Variants in TGFBR3 observed in about 807,000 individuals in gnomAD.
TGFBR3 encodes transforming growth factor beta receptor type 3.
In TGFBR3, 46 loss-of-function variants were observed where a neutral mutation model predicts 87.9. The ratio of observed to expected loss-of-function variants is 0.52; its 90% CI spans 0.41 to 0.67. TGFBR3 has a LOEUF of 0.67. Ranked by LOEUF, TGFBR3 falls within the 30% of genes least tolerant of loss-of-function variation. The probability of loss-of-function intolerance (pLI) is 0.00; values close to 1 mark genes in which losing one functional copy is unlikely to be tolerated. For missense variants in TGFBR3, 866 were observed against 1,041.9 expected (o/e 0.83, Z 2.32); for synonymous variants, 381 against 391.6 (o/e 0.97, Z 0.32).
chr1:91,788,977 T>C (rs1675078627), intron 3 of TGFBR3, among the ~76,000 whole-genome samples: 1 of 152,100 alleles, frequency 6.6e-6, no homozygotes, highest in Non-Finnish European at 1.5e-5. Context: ...ACCATACTGG[T>C]TGGAAAATGC....
chr1:91,766,198 CTTTTTTTTT>C (rs749978314), intron 3 of TGFBR3, among the ~76,000 whole-genome samples: 7 of 114,458 alleles, frequency 6.1e-5, no homozygotes, highest in African/African-American at 6.9e-5. Flanking sequence ...AGTTTGTTTT[CTTTTTTTTT>C]TTTTTTTTTT....
At chr1:91,771,483 T>TC (rs1259091543) in intron 3 of TGFBR3, among the ~76,000 whole-genome samples, 1 of 151,980 alleles carries the variant, frequency 6.6e-6, no homozygotes, top group African/African-American at 2.4e-5. Flanking sequence ...GGTGGATGGA[T>TC]CCTGAGGTCA....
At chr1:91,875,517 A>G (rs1416957567) in intron 1 of TGFBR3, among the ~76,000 whole-genome samples, 1 of 152,124 alleles carries the variant, frequency 6.6e-6, no homozygotes, top group Non-Finnish European at 1.5e-5. Context: ...CAAGAAAAAG[A>G]AAAGAAGAGG....
At chr1:91,720,976 G>A (rs1311119912) in intron 8 of TGFBR3, among the ~76,000 whole-genome samples, 3 of 152,078 alleles carry the variant, frequency 2.0e-5, no homozygotes, top group African/African-American at 4.8e-5. Flanking sequence ...AGGGAGAGAC[G>A]TATTTCCATA....
At chr1:91,769,281 G>A (rs1048276805) in intron 3 of TGFBR3, among the ~76,000 whole-genome samples, 6 of 152,090 alleles carry the variant, frequency 3.9e-5, no homozygotes, top group African/African-American at 1.2e-4. Flanking sequence ...CATTCCCTTG[G>A]TTCCTATGGA....
At chr1:91,745,740 T>C (rs577204411) in intron 4 of TGFBR3, among the ~76,000 whole-genome samples, 2 of 152,344 alleles carry the variant, frequency 1.3e-5, no homozygotes, top group East Asian at 3.9e-4. Context: ...CCGAAACATG[T>C]TTTCTATTAA....
In TGFBR3 at chr1:91,737,139, C is replaced by T. The variant is rs912172689; in HGVS notation, c.385-2180G>A. ...CGGGCCAGCAGCAATAAGCTTCATACACTCAGGGCTGAGGAATTTGGAACT... is the reference window on the plus strand; with the variant it reads ...CGGGCCAGCAGCAATAAGCTTCATATACTCAGGGCTGAGGAATTTGGAACT... On this transcript the variant is annotated intron_variant, in intron 4 of 16. Transcript: ENST00000212355. Among the ~76,000 whole-genome samples, 10 of 152,256 alleles carry T rather than the reference C, an allele frequency of 6.6e-5. No individual in the cohort carries two copies. The South Asian group carries it at 2.1e-3, about 32-fold the overall frequency.
chr1:91,697,955 A>AGGGGAAG (rs1220469969), intron 15 of TGFBR3, 134 bp downstream of exon 15: 33 of 813,002 alleles, frequency 4.1e-5, no homozygotes, highest in African/African-American at 3.7e-4. Context: ...AAAAGGGGAA[A>AGGGGAAG]GGGGAAGGGG....
intron 1 of TGFBR3, among the ~76,000 whole-genome samples, chr1:91,871,405 C>A (rs1277840016): frequency 6.6e-6 from 1 of 152,194 alleles, no homozygotes; most frequent in Non-Finnish European, 1.5e-5. Context: ...CTGTCCTGGG[C>A]ACTGTTCAGG....
chr1:91,708,868 CT>C (rs1270727049), intron 13 of TGFBR3, 85 bp from the exon 14 acceptor site: 6 of 1,561,902 alleles, frequency 3.8e-6, no homozygotes, highest in Non-Finnish European at 5.2e-6. Flanking sequence ...GTCCTGTGGC[CT>C]TTTATCAGAC....
chr1:91,842,818 A>C (rs1008249778), intron 2 of TGFBR3, among the ~76,000 whole-genome samples: 5 of 152,216 alleles, frequency 3.3e-5, no homozygotes, highest in Non-Finnish European at 1.5e-5. Flanking sequence ...GAATAGGTAT[A>C]ATTAGCAGTA....
chr1:91,865,787 C>T (rs535313079), intron 1 of TGFBR3, among the ~76,000 whole-genome samples: 1 of 152,128 alleles, frequency 6.6e-6, no homozygotes, highest in East Asian at 1.9e-4. Flanking sequence ...TGGCAGGCAC[C>T]TGTAGTCCCA....
intron 2 of TGFBR3, among the ~76,000 whole-genome samples, chr1:91,819,440 G>A (rs1289099416): frequency 6.6e-6 from 1 of 151,994 alleles, no homozygotes; most frequent in Non-Finnish European, 1.5e-5. Context: ...CAAAGAGCTA[G>A]GGATCCCACA....
At chr1:91,855,863 C>A (rs896870743) in intron 2 of TGFBR3, among the ~76,000 whole-genome samples, 1 of 151,118 alleles carries the variant, frequency 6.6e-6, no homozygotes, top group Non-Finnish European at 1.5e-5. Context: ...CTTTTTTTTT[C>A]TTTTTTGTTT....
At chr1:91,736,320 C>G (rs762817235) in intron 4 of TGFBR3, among the ~76,000 whole-genome samples, 4 of 150,460 alleles carry the variant, frequency 2.7e-5, no homozygotes, top group Non-Finnish European at 5.9e-5. Context: ...CTTGACAGCA[C>G]TGATACGTAG....
In TGFBR3 at chr1:91,683,721, G is replaced by T. The variant is rs542197544; in HGVS notation, c.*18C>A. The T allele has an allele frequency of 3.1e-4, 484 of 1,540,526 alleles. 7 individuals carry two copies. The South Asian group carries it at 5.5e-3, about 18-fold the overall frequency. On this transcript the variant is annotated 3_prime_UTR_variant, in exon 17 of 17. Transcript: ENST00000212355. Reference sequence around the variant, plus strand: ...GAGCTGGGCTGGGCTGGGTTGGGCCGGGTTGGGCTGGGTTGGGCTAGGCCG... The same window carrying T: ...GAGCTGGGCTGGGCTGGGTTGGGCCTGGTTGGGCTGGGTTGGGCTAGGCCG...
intron 2 of TGFBR3, among the ~76,000 whole-genome samples, chr1:91,829,243 G>A (rs1676762596): frequency 6.6e-6 from 1 of 152,036 alleles, no homozygotes; most frequent in African/African-American, 2.4e-5. Flanking sequence ...AGGTGTGGTG[G>A]CACGCACCTG....
At chr1:91,739,146 C>T (rs377734061) in intron 4 of TGFBR3, among the ~76,000 whole-genome samples, 6 of 152,100 alleles carry the variant, frequency 3.9e-5, no homozygotes, top group African/African-American at 9.7e-5. Flanking sequence ...ACCTTGTAGA[C>T]CGTTGTAAGG....
At chr1:91,772,936 T>C (rs934821828) in intron 3 of TGFBR3, among the ~76,000 whole-genome samples, 1 of 152,358 alleles carries the variant, frequency 6.6e-6, no homozygotes, top group East Asian at 1.9e-4. Flanking sequence ...GTCTGATTTC[T>C]AGAAAATAAT....
Sources: allele counts gnomAD v4.1 joint callset (sites outside exome capture counted in the v4.1 genomes callset), GRCh38; gene constraint gnomAD v4.1.1; transcripts MANE v1.5; gene names NCBI Gene and HGNC (gene_info 2026-07-23, HGNC 2026-07-21).